Variants in CCDC178 observed in about 807,000 individuals in gnomAD.
CCDC178 encodes coiled-coil domain containing 178.
CCDC178 carries 126 observed loss-of-function variants against 117.4 expected under a neutral mutation model. The observed-to-expected ratio is 1.07, with a 90% confidence interval of 0.93 to 1.24. The LOEUF (loss-of-function observed/expected upper bound fraction) is 1.24. CCDC178 is among the 50% of genes most tolerant of loss of function. The pLI is 0.00. For missense variants in CCDC178, 1,030 were observed against 986.9 expected (o/e 1.04, Z -0.59); for synonymous variants, 283 against 313.4 (o/e 0.90, Z 1.02).
At position 33,092,929 on chromosome 18, in the gene CCDC178, T is replaced by A; in HGVS notation, c.2239-19A>T. On this transcript the variant is annotated intron_variant, in intron 20 of 22. Transcript: ENST00000383096. ...TTATTTTCTAGAAGGTAAAAAAATATAATTGAATTGTGTGTATATATATAT... is the reference window on the plus strand; with the variant it reads ...TTATTTTCTAGAAGGTAAAAAAATAAAATTGAATTGTGTGTATATATATAT... The A allele has an allele frequency of 2.7e-6, 4 of 1,456,642 alleles. No individual in the cohort carries two copies. The highest frequency in any genetic ancestry group is 3.7e-6 in the Non-Finnish European group (4 of 1,072,298). 90.2% of individuals were successfully genotyped at this position (1,456,642 alleles called of 1,614,324 possible).
chr18:33,154,572 CAT>C (rs1179604148), intron 20 of CCDC178, among the ~76,000 whole-genome samples: 3 of 151,952 alleles, frequency 2.0e-5, no homozygotes, highest in East Asian at 1.9e-4. Context: ...TATAATAAAA[CAT>C]ATAAATAATG....
intron 21 of CCDC178, among the ~76,000 whole-genome samples, chr18:32,988,943 A>T (rs7235560): frequency 0.042 from 6,372 of 152,212 alleles, 170 homozygotes; most frequent in East Asian, 0.081. Flanking sequence ...TATTCTTACA[A>T]TTACTAAAGA....
At chr18:33,076,145 C>T (rs936164830) in intron 21 of CCDC178, among the ~76,000 whole-genome samples, 2 of 152,048 alleles carry the variant, frequency 1.3e-5, no homozygotes, top group Non-Finnish European at 2.9e-5. Flanking sequence ...GAGAAAAGCC[C>T]TAAGACCACC....
chr18:32,987,923 C>T (rs970561847), intron 21 of CCDC178, among the ~76,000 whole-genome samples: 1 of 151,062 alleles, frequency 6.6e-6, no homozygotes, highest in Non-Finnish European at 1.5e-5. Context: ...CATAGTGAAA[C>T]CCTGTCTCTA....
At chr18:33,077,520 G>T (rs965219444) in intron 21 of CCDC178, among the ~76,000 whole-genome samples, 2 of 151,938 alleles carry the variant, frequency 1.3e-5, no homozygotes, top group African/African-American at 2.4e-5. Context: ...TAATAATATA[G>T]ATAGGCCACT....
At chr18:33,250,524 G>T (rs2059608824) in intron 14 of CCDC178, among the ~76,000 whole-genome samples, 1 of 151,430 alleles carries the variant, frequency 6.6e-6, no homozygotes, top group Non-Finnish European at 1.5e-5. Flanking sequence ...AATTTAATGA[G>T]AAAATCATGA....
chr18:33,181,587 A>T lies in CCDC178; in HGVS notation c.2238+30309T>A, dbSNP rs144533743. ...TAAAGTTGAGCGTTGAATTTAATTT[A>T]TATGTATTGTTCCCACTTTTGTACT... On this transcript the variant is annotated intron_variant, in intron 20 of 22. Transcript: ENST00000383096. Among the ~76,000 whole-genome samples, 7 of 152,084 alleles carry T rather than the reference A, an allele frequency of 4.6e-5. No individual in the cohort carries two copies. The East Asian group carries it at 1.4e-3, about 29-fold the overall frequency.
chr18:33,030,729 A>C (rs2056324576), intron 21 of CCDC178, among the ~76,000 whole-genome samples: 1 of 152,126 alleles, frequency 6.6e-6, no homozygotes, highest in African/African-American at 2.4e-5. Context: ...ATTGTCTCAC[A>C]TGAGATAGAT....
At chr18:33,011,571 A>G (rs2055865696) in intron 21 of CCDC178, among the ~76,000 whole-genome samples, 2 of 151,854 alleles carry the variant, frequency 1.3e-5, no homozygotes, top group African/African-American at 2.4e-5. Flanking sequence ...TCAGGCCTCT[A>G]TGGTTCCACA....
At chr18:33,046,539 C>T (rs185623708) in intron 21 of CCDC178, among the ~76,000 whole-genome samples, 99 of 151,866 alleles carry the variant, frequency 6.5e-4, no homozygotes, top group African/African-American at 2.1e-3. Context: ...AAAATAACCA[C>T]AGTAATTTCA....
At chr18:33,143,764 AC>A (rs1250019106) in intron 20 of CCDC178, among the ~76,000 whole-genome samples, 2 of 152,106 alleles carry the variant, frequency 1.3e-5, no homozygotes, top group Non-Finnish European at 1.5e-5. Context: ...TTGTTCATAA[AC>A]CTTTATAAAA....
At chr18:33,122,405 T>G (rs2057948965) in intron 20 of CCDC178, among the ~76,000 whole-genome samples, 2 of 152,268 alleles carry the variant, frequency 1.3e-5, no homozygotes, top group South Asian at 4.1e-4. Flanking sequence ...ATAAAAATCC[T>G]GAAATTATTG....
chr18:32,965,940 A>G (rs921683732), intron 22 of CCDC178, among the ~76,000 whole-genome samples: 1 of 148,808 alleles, frequency 6.7e-6, no homozygotes, highest in African/African-American at 2.4e-5. Context: ...CTTATTTTAT[A>G]TATAAAAATA....
intron 20 of CCDC178, among the ~76,000 whole-genome samples, chr18:33,179,913 C>T (rs1257438717): frequency 2.0e-5 from 3 of 151,884 alleles, no homozygotes; most frequent in African/African-American, 7.2e-5. Flanking sequence ...ATTTTTTTGG[C>T]TTGTTTTTTT....
intron 21 of CCDC178, among the ~76,000 whole-genome samples, chr18:32,983,533 A>G (rs2055196702): frequency 6.6e-6 from 1 of 152,144 alleles, no homozygotes; most frequent in South Asian, 2.1e-4. Context: ...ACCTTAGGTA[A>G]TCTAATTAAA....
intron 21 of CCDC178, among the ~76,000 whole-genome samples, chr18:33,091,576 A>G (rs1301262547): frequency 6.6e-5 from 10 of 151,692 alleles, no homozygotes; most frequent in Admixed American, 3.9e-4. Context: ...ACTTCAGGTG[A>G]TCTTCCCACC....
intron 9 of CCDC178, among the ~76,000 whole-genome samples, chr18:33,344,994 T>C (rs1282446661): frequency 6.6e-6 from 1 of 152,190 alleles, no homozygotes; most frequent in Non-Finnish European, 1.5e-5. Flanking sequence ...CTCTCTGGAA[T>C]TCATACACCC....
chr18:33,291,829 T>C (rs2077162824), intron 12 of CCDC178, among the ~76,000 whole-genome samples: 1 of 152,098 alleles, frequency 6.6e-6, no homozygotes, highest in Admixed American at 6.6e-5. Flanking sequence ...AACAAAGGCT[T>C]CAGTTCTCAA....
At chr18:33,161,743 T>C (rs1340459633) in intron 20 of CCDC178, among the ~76,000 whole-genome samples, 1 of 152,186 alleles carries the variant, frequency 6.6e-6, no homozygotes, top group African/African-American at 2.4e-5. Context: ...ACACAGGACA[T>C]GAACTCATCA....
Sources: allele counts gnomAD v4.1 joint callset (sites outside exome capture counted in the v4.1 genomes callset), GRCh38; gene constraint gnomAD v4.1.1; transcripts MANE v1.5; gene names NCBI Gene and HGNC (gene_info 2026-07-23, HGNC 2026-07-21).